SLFN5: variants seen among roughly 807,000 people sequenced by gnomAD.
SLFN5 encodes schlafen family member 5.
Under a neutral mutation model 48.5 loss-of-function variants are expected in SLFN5, and 34 were observed. That is an observed-to-expected ratio of 0.70 (90% CI 0.53 to 0.93). The LOEUF (loss-of-function observed/expected upper bound fraction) is 0.93. Among genes scored for constraint, SLFN5 ranks in the 40% least tolerant of loss-of-function variants. The probability of loss-of-function intolerance (pLI) is 0.00; values close to 1 mark genes in which losing one functional copy is unlikely to be tolerated. For missense variants in SLFN5, 1,006 were observed against 1,071.3 expected, an observed-to-expected ratio of 0.94 and a Z score of 0.85; for synonymous variants, 387 against 396.2, an observed-to-expected ratio of 0.98 and a Z score of 0.28.
intron 1 of SLFN5, among the ~76,000 whole-genome samples, chr17:35,253,406 C>T (rs918246815): frequency 6.6e-6 from 1 of 152,130 alleles, no homozygotes; most frequent in Non-Finnish European, 1.5e-5. Flanking sequence ...GGGTCTCCCT[C>T]TGTTGCCCAG....
In SLFN5 at chr17:35,264,383, A is replaced by G. The variant is rs746909663; in HGVS notation, c.1339A>G (p.Asn447Asp). The change falls in exon 4 of 5, where the codon AAC (asparagine) becomes GAC (aspartate). Residue 447 changes from asparagine to aspartate, a missense_variant. Coordinates refer to ENST00000299977, the MANE Select transcript of SLFN5 (RefSeq NM_144975.4). The stretch of plus-strand genomic sequence containing the variant: ...CTGTGATGCTCTTCTAATTTCCCAG[A>G]ACAACACCCCTATTCTCTACACCAT... ...VICDALLISQ[N>D]NTPILYTIFS... The G allele has an allele frequency of 1.7e-5, 28 of 1,614,198 alleles. No homozygotes were observed. In the East Asian group the frequency reaches 6.0e-4, roughly 35 times the overall value.
chr17:35,251,707 T>A (rs1465458756), intron 1 of SLFN5, among the ~76,000 whole-genome samples: 2 of 9,838 alleles, frequency 2.0e-4, no homozygotes, highest in East Asian at 0.017. Flanking sequence ...CCCGGACTTT[T>A]TTTTTTTTTT....
At position 35,269,382 on chromosome 17, in the gene SLFN5, T is replaced by A. The variant is rs1209521875; in HGVS notation, c.*3494T>A. On this transcript the variant is annotated 3_prime_UTR_variant, in exon 5 of 5. Transcript: ENST00000299977. Reference sequence around the variant, plus strand: ...GTATATAATTAAGATATATAGGAATTATAATTACAGAAAAGAATGTTACAA... The same window carrying A: ...GTATATAATTAAGATATATAGGAATAATAATTACAGAAAAGAATGTTACAA... 1 of 152,210 alleles carries A rather than the reference T, an allele frequency of 6.6e-6. No homozygotes were observed. The highest frequency in any genetic ancestry group is 1.5e-5 in the Non-Finnish European group (1 of 68,034). The allele number at this position is 152,210 out of a possible 1,614,324, so 9.4% of individuals were successfully genotyped here.
At chr17:35,250,473 G>C (rs191362911) in intron 1 of SLFN5, among the ~76,000 whole-genome samples, 2 of 152,042 alleles carry the variant, frequency 1.3e-5, no homozygotes, top group African/African-American at 4.8e-5. Flanking sequence ...TGGCTAAAAC[G>C]GTGAAACCCG....
intron 1 of SLFN5, among the ~76,000 whole-genome samples, chr17:35,252,620 A>AT (rs57935147): frequency 1.9e-3 from 279 of 148,102 alleles, no homozygotes; most frequent in Admixed American, 6.3e-3. Flanking sequence ...GTTCCTCAGT[A>AT]TTTTTTTTTT....
At chr17:35,256,502 T>G (rs1904346710) in intron 1 of SLFN5, among the ~76,000 whole-genome samples, 1 of 152,208 alleles carries the variant, frequency 6.6e-6, no homozygotes, top group Non-Finnish European at 1.5e-5. Context: ...CTCTCCAGGA[T>G]ATCTGCTTTT....
rs751458402 is a variant in SLFN5, at chr17:35,265,716, T to C, written c.2504T>C (p.Val835Ala). 1.2e-5 allele frequency: 19 copies of C among 1,614,110 alleles called. No individual in the cohort carries two copies. The highest frequency in any genetic ancestry group is 3.3e-5 in the Admixed American group (2 of 60,010). ...CTACAGATCGGTGATGCGTCGGATG[T>C]TCTAACCGATCACATTGTGTTGGAC... ...LLLQIGDASD[V>A]LTDHIVLDSV... Residue 835 changes from valine (V) to alanine (A), a missense_variant, in exon 5 of 5, where the codon GTT becomes GCT. Coordinates refer to ENST00000299977, the MANE Select transcript of SLFN5 (RefSeq NM_144975.4).
Position 35,271,349 on chromosome 17 carries a change from G to A in SLFN5, c.*5461G>A, listed in dbSNP as rs951159056. The A allele has an allele frequency of 1.3e-5, 2 of 152,122 alleles. No individual in the cohort carries two copies. Among genetic ancestry groups the A allele is most frequent in the Admixed American group, 6.5e-5 (1 of 15,276 alleles). The allele number at this position is 152,122 out of a possible 1,614,324, so 9.4% of individuals were successfully genotyped here. On this transcript the variant is annotated 3_prime_UTR_variant, in exon 5 of 5. Transcript: ENST00000299977. ...CAAGAAAAAATGAATTGAGAAGAAA[G>A]TAGTGGTTTTAAGAAGGAAAGGAGA... is the stretch of plus-strand genomic sequence containing the variant.
Position 35,259,021 on chromosome 17 carries a change from G to A in SLFN5, c.331G>A (p.Ala111Thr). The change falls in exon 2 of 5, where the codon GCT (alanine) becomes ACT (threonine). Residue 111 changes from alanine to threonine, a missense_variant. Ala to Thr is a moderately conservative substitution (Grantham distance 58, BLOSUM62 0). Coordinates refer to ENST00000299977, the MANE Select transcript of SLFN5 (RefSeq NM_144975.4). Reference protein sequence around the residue: ...SWNTEAGVPLATLCSNLYHRE... With the variant: ...SWNTEAGVPLTTLCSNLYHRE... Reference sequence around the variant, plus strand: ...GAACACAGAGGCTGGTGTGCCACTTGCTACCTTATGCTCCAATTTGTACCA... The same window carrying A: ...GAACACAGAGGCTGGTGTGCCACTTACTACCTTATGCTCCAATTTGTACCA... 6.2e-7 allele frequency: 1 copy of A among 1,614,178 alleles called. No homozygotes were observed. The highest frequency in any genetic ancestry group is 8.5e-7 in the Non-Finnish European group (1 of 1,180,032).
chr17:35,262,994 A>G (rs758664575), intron 3 of SLFN5, among the ~76,000 whole-genome samples: 1 of 152,158 alleles, frequency 6.6e-6, no homozygotes, highest in South Asian at 2.1e-4. Flanking sequence ...GTGAAACCAT[A>G]CAGTACGTAA....
In SLFN5 at chr17:35,271,885, G is replaced by A. The variant is rs529817242; in HGVS notation, c.*5997G>A. On this transcript the variant is annotated 3_prime_UTR_variant, in exon 5 of 5. Transcript: ENST00000299977. Reference sequence around the variant, plus strand: ...TCTCTATTTAAAATGCAAGAAATTAGCTGGGTGTGGTGGTGTGCACCTATA... The same window carrying A: ...TCTCTATTTAAAATGCAAGAAATTAACTGGGTGTGGTGGTGTGCACCTATA... 2.0e-5 allele frequency: 3 copies of A among 152,280 alleles called. No homozygotes were observed. The highest frequency in any genetic ancestry group is 7.2e-5 in the African/African-American group (3 of 41,528). The allele number at this position is 152,280 out of a possible 1,614,324, so 9.4% of individuals were successfully genotyped here.
rs1171171076 is a variant in SLFN5 at position 35,264,235 on chromosome 17, C to T, written c.1191C>T (p.Phe397=). ...YTPESLYKEL[F]SQHKGLRDLI... Reference sequence around the variant, plus strand: ...CAGAAAGCCTCTACAAGGAACTCTTCTCACAACATAAAGGACTCAGAGACT... The same window carrying T: ...CAGAAAGCCTCTACAAGGAACTCTTTTCACAACATAAAGGACTCAGAGACT... Residue 397 remains phenylalanine, a synonymous_variant, in exon 4 of 5, where the codon TTC becomes TTT. Transcript: ENST00000299977. The T allele has an allele frequency of 6.2e-7, 1 of 1,613,880 alleles. No homozygotes were observed. The highest frequency in any genetic ancestry group is 8.5e-7 in the Non-Finnish European group (1 of 1,179,954).
At position 35,265,977 on chromosome 17, in the gene SLFN5, C is replaced by T. The variant is rs1468051836; in HGVS notation, c.*89C>T. The T allele has an allele frequency of 7.4e-7, 1 of 1,350,074 alleles. No homozygotes were observed. The highest frequency in any genetic ancestry group is 1.5e-5 in the African/African-American group (1 of 68,294). 83.6% of individuals were successfully genotyped at this position (1,350,074 alleles called of 1,614,324 possible). A position where few individuals can be genotyped will look rare whatever the true frequency, so the allele number is the denominator to read the frequency against. On this transcript the variant is annotated 3_prime_UTR_variant, in exon 5 of 5. Coordinates refer to ENST00000299977, the MANE Select transcript of SLFN5 (RefSeq NM_144975.4). The stretch of plus-strand genomic sequence containing the variant: ...TAATCCAAACATGTAAGCACACACT[C>T]ACTTATTAAGTCACATACTTTTCTA...
chr17:35,265,554 T>G lies in SLFN5; in HGVS notation c.2342T>G (p.Leu781Trp), dbSNP rs1904655814. Reference sequence around the variant, plus strand: ...GTAGCGAATAAATGCCGTTTTCTCTTGCGGAATGGTTATTCTCCGAAGGAT... The same window carrying G: ...GTAGCGAATAAATGCCGTTTTCTCTGGCGGAATGGTTATTCTCCGAAGGAT... ...IYVANKCRFL[L>W]RNGYSPKDIA... The change falls in exon 5 of 5, where the codon TTG (leucine) becomes TGG (tryptophan). Residue 781 changes from leucine (L) to tryptophan (W), a missense_variant. Coordinates refer to ENST00000299977, the MANE Select transcript of SLFN5 (RefSeq NM_144975.4). 1 of 1,614,244 alleles carries G rather than the reference T, an allele frequency of 6.2e-7. No individual in the cohort carries two copies. The highest frequency in any genetic ancestry group is 8.5e-7 in the Non-Finnish European group (1 of 1,180,054).
At chr17:35,254,565 A>G (rs751689135) in intron 1 of SLFN5, among the ~76,000 whole-genome samples, 57 of 152,222 alleles carry the variant, frequency 3.7e-4, no homozygotes, top group Middle Eastern at 3.2e-3. Context: ...GTAATCATGC[A>G]TGAGTCACTG....
chr17:35,267,739 A>G lies in SLFN5; in HGVS notation c.*1851A>G, dbSNP rs1904737798. The G allele has an allele frequency of 6.6e-6, 1 of 152,156 alleles. No individual in the cohort carries two copies. Among genetic ancestry groups the G allele is most frequent in the Non-Finnish European group, 1.5e-5 (1 of 68,094 alleles). 9.4% of individuals were successfully genotyped at this position (152,156 alleles called of 1,614,324 possible). A position where few individuals can be genotyped will look rare whatever the true frequency, so the allele number is the denominator to read the frequency against. On this transcript the variant is annotated 3_prime_UTR_variant, in exon 5 of 5. Coordinates refer to ENST00000299977, the MANE Select transcript of SLFN5 (RefSeq NM_144975.4). ...TGTCTCCAAAAATTAAATAAATAAA[A>G]CAAAAAAAAAGAATTTAAAAGTTTT...
chr17:35,248,724 C>G (rs1051526924), intron 1 of SLFN5, among the ~76,000 whole-genome samples: 1 of 151,134 alleles, frequency 6.6e-6, no homozygotes, highest in Non-Finnish European at 1.5e-5. Flanking sequence ...TGGATCCAAG[C>G]TGAATTAAGA....
At chr17:35,259,916 A>G in intron 2 of SLFN5, 1 of 589,386 alleles carries the variant, frequency 1.7e-6, no homozygotes, top group Non-Finnish European at 2.9e-6. Flanking sequence ...CATTCAACAG[A>G]TGCCCTGGCT....
intron 1 of SLFN5, among the ~76,000 whole-genome samples, chr17:35,252,641 T>A (rs936563888): frequency 6.6e-6 from 1 of 152,114 alleles, no homozygotes; most frequent in African/African-American, 2.4e-5. Flanking sequence ...TCACATTTCT[T>A]GTGCTTAAGG....
Sources: allele counts gnomAD v4.1 joint callset (sites outside exome capture counted in the v4.1 genomes callset), GRCh38; gene constraint gnomAD v4.1.1; transcripts MANE v1.5; gene names NCBI Gene and HGNC (gene_info 2026-07-23, HGNC 2026-07-21).